Variants in STX2 observed in about 807,000 individuals in gnomAD.
STX2 encodes the protein syntaxin 2.
A neutral mutation model predicts 40.6 loss-of-function variants in STX2; 27 were observed. The ratio of observed to expected loss-of-function variants is 0.66; its 90% CI spans 0.49 to 0.92. The LOEUF (loss-of-function observed/expected upper bound fraction) is 0.92, where lower values mean the gene tolerates loss of function less well. STX2 is among the 40% of genes least tolerant of loss of function. The pLI, the probability that STX2 is intolerant of heterozygous loss-of-function variation, is 0.00. For synonymous variants in STX2, 123 were observed against 119.1 expected, an observed-to-expected ratio of 1.03 and a Z score of -0.22; for missense variants, 328 against 366.1, an observed-to-expected ratio of 0.90 and a Z score of 0.85.
At chr12:130,795,890 G>C in intron 10 of STX2, 105 bp downstream of exon 10, 3 of 1,377,752 alleles carry the variant, frequency 2.2e-6, no homozygotes, top group Non-Finnish European at 2.9e-6. Flanking sequence ...TCTGTACTGC[G>C]TGGCTGGCAA....
At chr12:130,807,611 G>A (rs949444469) in intron 5 of STX2, among the ~76,000 whole-genome samples, 22 of 152,206 alleles carry the variant, frequency 1.4e-4, no homozygotes, top group Non-Finnish European at 2.4e-4. Context: ...TCGTGCCCTC[G>A]AGGCCTCAGG....
At chr12:130,832,697 G>A (rs1444909117) in intron 1 of STX2, among the ~76,000 whole-genome samples, 2 of 152,278 alleles carry the variant, frequency 1.3e-5, no homozygotes, top group African/African-American at 2.4e-5. Context: ...ACACCAGGCC[G>A]TGGAGACGAA....
rs1287788698 is a variant in STX2, at chr12:130,801,067, G to C, written c.675+86C>G. 5 of 1,434,776 alleles carry C rather than the reference G, an allele frequency of 3.5e-6. No individual in the cohort carries two copies. In the African/African-American group the frequency reaches 7.1e-5, roughly 20 times the overall value. 88.9% of individuals were successfully genotyped at this position (1,434,776 alleles called of 1,614,324 possible). ...TGGATCCAAAATAACAGCTTTCCTAGATACATCCACTAGACAGAGTGGGAT... is the reference window on the plus strand; with the variant it reads ...TGGATCCAAAATAACAGCTTTCCTACATACATCCACTAGACAGAGTGGGAT... On this transcript the variant is annotated intron_variant, in intron 8 of 10. Coordinates refer to ENST00000392373, the MANE Select transcript of STX2 (RefSeq NM_194356.4).
chr12:130,819,968 G>A (rs1010030836), intron 3 of STX2, among the ~76,000 whole-genome samples: 5 of 152,212 alleles, frequency 3.3e-5, no homozygotes, highest in African/African-American at 1.2e-4. Context: ...CAGAGGCTCA[G>A]AATATTATTT....
chr12:130,819,589 T>C (rs1296412766), intron 3 of STX2, among the ~76,000 whole-genome samples: 1 of 152,224 alleles, frequency 6.6e-6, no homozygotes, highest in Non-Finnish European at 1.5e-5. Context: ...TAGTTCTCTC[T>C]GCTATGACTT....
intron 8 of STX2, among the ~76,000 whole-genome samples, chr12:130,799,357 G>A (rs76078540): frequency 6.6e-6 from 1 of 152,290 alleles, no homozygotes; most frequent in East Asian, 1.9e-4. Context: ...ACAAAGCCAG[G>A]GATGCAGCCA....
chr12:130,822,378 T>G (rs1952147090), intron 2 of STX2, among the ~76,000 whole-genome samples: 1 of 151,566 alleles, frequency 6.6e-6, no homozygotes, highest in South Asian at 2.1e-4. Flanking sequence ...ATCACACCAC[T>G]GCACTCCAGC....
chr12:130,818,382 G>A (rs371282135), intron 3 of STX2, among the ~76,000 whole-genome samples: 10 of 148,840 alleles, frequency 6.7e-5, no homozygotes, highest in African/African-American at 2.3e-4. Context: ...TCTGGAGGGT[G>A]GGGGGGAGAG....
At chr12:130,799,051 A>C (rs1951128028) in intron 8 of STX2, among the ~76,000 whole-genome samples, 1 of 152,246 alleles carries the variant, frequency 6.6e-6, no homozygotes, top group Non-Finnish European at 1.5e-5. Context: ...AATTGTAACT[A>C]CTTCTTTAAA....
intron 10 of STX2, among the ~76,000 whole-genome samples, chr12:130,792,773 T>A (rs2137001893): frequency 6.6e-6 from 1 of 152,322 alleles, no homozygotes; most frequent in African/African-American, 2.4e-5. Context: ...GCCTTATCCA[T>A]TTTTTACATT....
intron 8 of STX2, among the ~76,000 whole-genome samples, chr12:130,799,548 C>T (rs1951145946): frequency 6.6e-6 from 1 of 152,190 alleles, no homozygotes; most frequent in African/African-American, 2.4e-5. Context: ...CCACACTCCA[C>T]TTACCATATA....
chr12:130,801,291 C>T lies in STX2; in HGVS notation c.538-1G>A. 1 of 1,606,938 alleles carries T rather than the reference C, an allele frequency of 6.2e-7. No homozygotes were observed. Among genetic ancestry groups the T allele is most frequent in the Non-Finnish European group, 8.5e-7 (1 of 1,175,998 alleles). ...TAGTAATTTGTGAATCTGATATAAT[C>T]TTGGAAAAACAAAAATAAAAGATAA... On this transcript the variant is annotated splice_acceptor_variant, in intron 7 of 10. Coordinates refer to ENST00000392373, the MANE Select transcript of STX2 (RefSeq NM_194356.4). LOFTEE classifies it high-confidence loss of function.
At chr12:130,815,029 T>G (rs1441619662) in intron 3 of STX2, among the ~76,000 whole-genome samples, 1 of 152,168 alleles carries the variant, frequency 6.6e-6, no homozygotes, top group Non-Finnish European at 1.5e-5. Flanking sequence ...AGCCTAGGAC[T>G]TTAAGGCCAA....
intron 10 of STX2, among the ~76,000 whole-genome samples, chr12:130,792,464 AT>A (rs1950906340): frequency 6.6e-6 from 1 of 152,062 alleles, no homozygotes. Context: ...GAAAAATCCT[AT>A]TTTTTCTTTC....
chr12:130,825,030 A>G (rs1232600570), intron 2 of STX2, among the ~76,000 whole-genome samples: 1 of 150,304 alleles, frequency 6.7e-6, no homozygotes, highest in Non-Finnish European at 1.5e-5. Context: ...GCACAATGTA[A>G]CTTTTCTGTT....
chr12:130,824,172 T>C (rs187164550), intron 2 of STX2, among the ~76,000 whole-genome samples: 4 of 152,256 alleles, frequency 2.6e-5, no homozygotes, highest in Non-Finnish European at 4.4e-5. Context: ...GGCAGATCAC[T>C]TGAGGTCAAA....
chr12:130,811,505 C>A (rs1951651710), intron 4 of STX2, among the ~76,000 whole-genome samples: 1 of 147,896 alleles, frequency 6.8e-6, no homozygotes. Flanking sequence ...TACTTAGAGC[C>A]AAGAAAAAAT....
intron 1 of STX2, 91 bp downstream of exon 1, chr12:130,838,979 C>CT: frequency 8.9e-7 from 1 of 1,127,928 alleles, no homozygotes; most frequent in Non-Finnish European, 1.1e-6. Context: ...GGGACCCTCC[C>CT]GGAGCCCCGC....
intron 3 of STX2, among the ~76,000 whole-genome samples, chr12:130,814,287 A>G (rs1198034297): frequency 6.6e-6 from 1 of 152,092 alleles, no homozygotes; most frequent in East Asian, 1.9e-4. Context: ...AAACCCAGGA[A>G]GCGCCAATGC....
Sources: gnomAD v4.1 joint callset for allele counts (sites outside exome capture counted in the v4.1 genomes callset) on GRCh38, gnomAD v4.1.1 for gene constraint, MANE v1.5 for transcripts, NCBI Gene and HGNC (gene_info 2026-07-23, HGNC 2026-07-21) for gene names.